LAMC3: variants seen among roughly 807,000 people sequenced by gnomAD.
LAMC3 encodes laminin subunit gamma 3, also known as laminin subunit gamma-3.
In LAMC3, 128 loss-of-function variants were observed where a neutral mutation model predicts 173.8. The observed-to-expected ratio is 0.74, with a 90% CI of 0.64 to 0.85. The LOEUF (loss-of-function observed/expected upper bound fraction) is 0.85, where lower values mean the gene tolerates loss of function less well. Ranked by LOEUF, LAMC3 falls within the 40% of genes least tolerant of loss-of-function variation. The probability of loss-of-function intolerance (pLI) is 0.00; values close to 1 mark genes in which losing one functional copy is unlikely to be tolerated. For missense variants in LAMC3, 2,022 were observed against 2,156.0 expected (o/e 0.94, Z 1.23); for synonymous variants, 897 against 909.1 (o/e 0.99, Z 0.24).
chr9:131,038,875 A>G lies in LAMC3; in HGVS notation c.988A>G (p.Ser330Gly). Reference protein sequence around the residue: ...AAHECLPCNCSGRSEECTFDR... With the variant: ...AAHECLPCNCGGRSEECTFDR... ...ACTCCTGCCCATAGCCTGCAACTGC[A>G]GTGGCCGCTCCGAGGAATGCACGTT... is the stretch of plus-strand genomic sequence containing the variant. Residue 330 changes from serine (S) to glycine (G), a missense_variant, in exon 5 of 28, where the codon AGT (serine) becomes GGT (glycine). Physicochemically the swap from Ser to Gly is moderately conservative, Grantham distance 56. Coordinates refer to ENST00000361069, the MANE Select transcript of LAMC3 (RefSeq NM_006059.4). 1 of 1,613,156 alleles carries G rather than the reference A, an allele frequency of 6.2e-7. No individual in the cohort carries two copies. The highest frequency in any genetic ancestry group is 8.5e-7 in the Non-Finnish European group (1 of 1,180,018).
rs565606945 is a variant in LAMC3 at position 131,079,087 on chromosome 9, G to T, written c.3778-62G>T. The T allele has an allele frequency of 5.7e-5, 90 of 1,586,448 alleles. 1 individual carries two copies. The African/African-American group carries it at 9.4e-4, about 17-fold the overall frequency. ...AGCCCAGCAGGGCACCTCCCCCAAG[G>T]AGAGGATCCGCTGCTTGCCCTTCCT... On this transcript the variant is annotated intron_variant, in intron 22 of 27. Coordinates refer to ENST00000361069, the MANE Select transcript of LAMC3 (RefSeq NM_006059.4).
intron 1 of LAMC3, among the ~76,000 whole-genome samples, chr9:131,015,603 C>T (rs1833507028): frequency 6.6e-6 from 1 of 152,174 alleles, no homozygotes; most frequent in Admixed American, 6.5e-5. Flanking sequence ...CATGCAAGGG[C>T]CCCCGTGTGC....
In LAMC3 at chr9:131,088,398, C is replaced by T. The variant is rs534232147; in HGVS notation, c.4477+581C>T. Among the ~76,000 whole-genome samples, 5 of 152,042 alleles carry T rather than the reference C, an allele frequency of 3.3e-5. No individual in the cohort carries two copies. In the South Asian group the frequency reaches 6.2e-4, roughly 19 times the overall value. Reference sequence around the variant, plus strand: ...GTGTATGTTGAGAGTGAGTAAATAGCGGCTCGTAGGAAGGAGGTCAGATTC... The same window carrying T: ...GTGTATGTTGAGAGTGAGTAAATAGTGGCTCGTAGGAAGGAGGTCAGATTC... On this transcript the variant is annotated intron_variant, in intron 27 of 27. Transcript: ENST00000361069.
At chr9:131,056,818 C>G in intron 11 of LAMC3, 111 bp from the exon 12 acceptor site, 1 of 811,626 alleles carries the variant, frequency 1.2e-6, no homozygotes, top group East Asian at 2.4e-5. Flanking sequence ...GATTGCTAGT[C>G]TGCCTTTATA....
At chr9:131,036,996 GCTCGCTGGGCGGGCAGCTTGGCCTCTGGA>G (rs1564370356) in intron 4 of LAMC3, among the ~76,000 whole-genome samples, 2 of 152,250 alleles carry the variant, frequency 1.3e-5, no homozygotes, top group African/African-American at 4.8e-5. Context: ...TCACTCACAG[GCTCGCTGGGCGGGCAGCTTGGCCTCTGGA>G]CCCCGCTGTC....
rs373106726 is a variant in LAMC3, at chr9:131,052,605, T to G, written c.1745T>G (p.Leu582Trp). Residue 582 changes from leucine to tryptophan, a missense_variant, in exon 10 of 28, where the codon TTG (leucine) becomes TGG (tryptophan). Physicochemically the swap from Leu to Trp is moderately conservative, Grantham distance 61. Transcript: ENST00000361069. ...PVQLRLEGTGLALSLRHSSLS... is the reference protein window; with the variant it reads ...PVQLRLEGTGWALSLRHSSLS... Reference sequence around the variant, plus strand: ...CAGCTGAGGCTGGAAGGGACAGGCTTGGCCCTGTCCCTGAGGCACTCTAGC... The same window carrying G: ...CAGCTGAGGCTGGAAGGGACAGGCTGGGCCCTGTCCCTGAGGCACTCTAGC... 2.5e-6 allele frequency: 4 copies of G among 1,613,630 alleles called. No homozygotes were observed. Among genetic ancestry groups the G allele is most frequent in the Admixed American group, 3.3e-5 (2 of 60,008 alleles).
At chr9:131,057,749 G>A (rs1829722978) in intron 12 of LAMC3, among the ~76,000 whole-genome samples, 1 of 152,202 alleles carries the variant, frequency 6.6e-6, no homozygotes, top group Non-Finnish European at 1.5e-5. Context: ...GTGGTCAGGA[G>A]ACGCTCAGGC....
chr9:131,055,346 A>T (rs551768949), intron 11 of LAMC3, among the ~76,000 whole-genome samples: 1 of 151,052 alleles, frequency 6.6e-6, no homozygotes, highest in Non-Finnish European at 1.5e-5. Flanking sequence ...ATCTGCCAGG[A>T]TCCCCTGCTC....
At chr9:131,063,478 A>G (rs1829870316) in intron 13 of LAMC3, among the ~76,000 whole-genome samples, 1 of 152,196 alleles carries the variant, frequency 6.6e-6, no homozygotes, top group African/African-American at 2.4e-5. Flanking sequence ...CCTGGAGTGG[A>G]CTTTAGACCT....
At chr9:131,031,715 G>A (rs1021777493) in intron 2 of LAMC3, among the ~76,000 whole-genome samples, 2 of 152,162 alleles carry the variant, frequency 1.3e-5, no homozygotes, top group African/African-American at 4.8e-5. Context: ...CCACGGGCCC[G>A]ACCTCACAGC....
chr9:131,027,174 G>A (rs541132791), intron 2 of LAMC3, among the ~76,000 whole-genome samples: 1 of 152,252 alleles, frequency 6.6e-6, no homozygotes, highest in Non-Finnish European at 1.5e-5. Flanking sequence ...CCAGGAGCCT[G>A]TGAGGGCTGT....
chr9:131,009,548 G>T lies in LAMC3; in HGVS notation c.334G>T (p.Val112Leu), dbSNP rs1325500728. Reference protein sequence around the residue: ...WWQSPSMAFGVQYPTSVNITL... With the variant: ...WWQSPSMAFGLQYPTSVNITL... The stretch of plus-strand genomic sequence containing the variant: ...GCAGAGCCCGTCCATGGCCTTCGGC[G>T]TGCAGTACCCCACCTCGGTCAACAT... The change falls in exon 1 of 28, where the codon GTG (valine) becomes TTG (leucine). Residue 112 changes from valine to leucine, a missense_variant. Transcript: ENST00000361069. This position sits in a 1 kb window ranked among gnomAD's most constrained non-coding sequence, Gnocchi z 4.3. 6.4e-7 allele frequency: 1 copy of T among 1,568,668 alleles called. No homozygotes were observed. Among genetic ancestry groups the T allele is most frequent in the Middle Eastern group, 1.7e-4 (1 of 6,008 alleles).
chr9:131,015,608 G>A (rs186861436), intron 1 of LAMC3, among the ~76,000 whole-genome samples: 6 of 152,146 alleles, frequency 3.9e-5, no homozygotes, highest in African/African-American at 7.2e-5. Context: ...AAGGGCCCCC[G>A]TGTGCAAAGG....
chr9:131,068,216 G>A lies in LAMC3; in HGVS notation c.2732G>A (p.Gly911Glu), dbSNP rs767634048. Reference protein sequence around the residue: ...CYPGFFDLQPGRGCRSCKCHP... With the variant: ...CYPGFFDLQPERGCRSCKCHP... ...CCTGGCTTCTTCGACCTCCAGCCTG[G>A]GAGGGGCTGCCGGAGGTAGGTAGGG... The change falls in exon 15 of 28, where the codon GGG becomes GAG. Residue 911 changes from glycine to glutamate, a missense_variant. Coordinates refer to ENST00000361069, the MANE Select transcript of LAMC3 (RefSeq NM_006059.4). 2.0e-5 allele frequency: 32 copies of A among 1,610,772 alleles called. No individual in the cohort carries two copies. The South Asian group carries it at 3.3e-4, about 17-fold the overall frequency.
rs548922302 is a variant in LAMC3, at chr9:131,091,016, G to A, written c.4478-521G>A. Among the ~76,000 whole-genome samples the A allele has an allele frequency of 3.2e-4, 49 of 152,236 alleles. 1 individual carries two copies. The highest frequency in any genetic ancestry group is 7.7e-4 in the East Asian group (4 of 5,170). ...AGCCTGGACAACAGAGCGAGACTCCGTCTCAATAAATAAATAAATGCATCC... is the reference window on the plus strand; with the variant it reads ...AGCCTGGACAACAGAGCGAGACTCCATCTCAATAAATAAATAAATGCATCC... On this transcript the variant is annotated intron_variant, in intron 27 of 27. Coordinates refer to ENST00000361069, the MANE Select transcript of LAMC3 (RefSeq NM_006059.4).
chr9:131,055,801 A>G (rs946087133), intron 11 of LAMC3, among the ~76,000 whole-genome samples: 14 of 151,932 alleles, frequency 9.2e-5, no homozygotes, highest in Admixed American at 2.6e-4. Flanking sequence ...CAAGATGTTC[A>G]CTTTCCTTGC....
At chr9:131,077,048 T>C (rs1238218963) in intron 21 of LAMC3, 139 bp from the exon 22 acceptor site, 28 of 1,134,944 alleles carry the variant, frequency 2.5e-5, no homozygotes, top group Non-Finnish European at 3.5e-5. Context: ...CCGAGGCAGC[T>C]GTACCTACCC....
intron 16 of LAMC3, 89 bp from the exon 17 acceptor site, chr9:131,069,583 A>G (rs1830002355): frequency 7.3e-7 from 1 of 1,367,712 alleles, no homozygotes; most frequent in Admixed American, 2.0e-5. Context: ...CCCAGAACCC[A>G]GCACGCACTG....
At chr9:131,016,270 T>C (rs1833518534) in intron 1 of LAMC3, among the ~76,000 whole-genome samples, 1 of 152,098 alleles carries the variant, frequency 6.6e-6, no homozygotes, top group Non-Finnish European at 1.5e-5. Context: ...GGAGAGTGAC[T>C]GTTTCATGGG....
Sources: gnomAD v4.1 joint callset for allele counts (sites outside exome capture counted in the v4.1 genomes callset) on GRCh38, gnomAD v4.1.1 for gene constraint, Gnocchi (gnomAD v3.1) non-coding constraint, MANE v1.5 for transcripts, NCBI Gene and HGNC (gene_info 2026-07-23, HGNC 2026-07-21) for gene names.